NPY1R: variants seen among roughly 807,000 people sequenced by gnomAD.
The protein encoded by NPY1R is neuropeptide Y receptor type 1.
In NPY1R, 10 loss-of-function variants were observed where a neutral mutation model predicts 24.1. The ratio of observed to expected loss-of-function variants is 0.42; its 90% confidence interval spans 0.26 to 0.71. The LOEUF is 0.71. Ranked by LOEUF, NPY1R falls within the 30% of genes least tolerant of loss-of-function variation. NPY1R has a pLI of 0.28. For synonymous variants in NPY1R, 168 were observed against 165.9 expected, an observed-to-expected ratio of 1.01 and a Z score of -0.10; for missense variants, 350 against 458.0, an observed-to-expected ratio of 0.76 and a Z score of 2.15.
chr4:163,342,976 TCACAGA>T (rs780758111), intron 1 of NPY1R, among the ~76,000 whole-genome samples: 16 of 92,684 alleles, frequency 1.7e-4, no homozygotes, highest in African/African-American at 3.5e-4. Context: ...TCTCTCTCTC[TCACAGA>T]CACACACACA....
At chr4:163,342,650 G>A (rs1389320235) in intron 1 of NPY1R, among the ~76,000 whole-genome samples, 2 of 152,132 alleles carry the variant, frequency 1.3e-5, no homozygotes, top group African/African-American at 2.4e-5. Flanking sequence ...TGATGAAATA[G>A]CAATCTATAC....
At chr4:163,335,473 A>G (rs1010586535), upstream of NPY1R, among the ~76,000 whole-genome samples, 1 of 152,222 alleles carries the variant, frequency 6.6e-6, no homozygotes, top group Admixed American at 6.5e-5. Context: ...TGGAATTGAA[A>G]CACACTAATT....
chr4:163,329,187 T>C (rs2110792862), intron 1 of NPY1R, among the ~76,000 whole-genome samples: 1 of 152,360 alleles, frequency 6.6e-6, no homozygotes, highest in South Asian at 2.1e-4. Flanking sequence ...ATGGTTTTAC[T>C]GGAGATAATG....
chr4:163,325,793 T>C (rs940604461), intron 2 of NPY1R, 35 bp from the exon 3 acceptor site: 1 of 1,569,416 alleles, frequency 6.4e-7, no homozygotes, highest in East Asian at 2.2e-5. Context: ...GAAACACTCA[T>C]TTGATGAGGA....
intron 1 of NPY1R, among the ~76,000 whole-genome samples, chr4:163,343,613 A>G (rs1401903873): frequency 6.6e-6 from 1 of 152,118 alleles, no homozygotes; most frequent in East Asian, 1.9e-4. Flanking sequence ...AGAGTTCACT[A>G]CACAGGGTTG....
chr4:163,325,773 A>G lies in NPY1R; in HGVS notation c.700-15T>C, dbSNP rs977536573. The G allele has an allele frequency of 4.5e-6, 7 of 1,568,416 alleles. No homozygotes were observed. Among genetic ancestry groups the G allele is most frequent in the African/African-American group, 1.4e-5 (1 of 73,272 alleles). ...CGTATATATATCTATGGAAGAAAAA[A>G]GTTTAAATAGAAACACTCATTTGAT... On this transcript the variant is annotated splice_polypyrimidine_tract_variant and intron_variant, in intron 2 of 2. Coordinates refer to ENST00000296533, the MANE Select transcript of NPY1R (RefSeq NM_000909.6).
intron 1 of NPY1R, among the ~76,000 whole-genome samples, chr4:163,343,016 A>ACGCG (rs1445307095): frequency 1.5e-5 from 2 of 136,342 alleles, no homozygotes; most frequent in Admixed American, 1.4e-4. Flanking sequence ...ACACACACAC[A>ACGCG]CACGCGCGCG....
intron 1 of NPY1R, among the ~76,000 whole-genome samples, chr4:163,342,375 T>C (rs984116368): frequency 6.6e-6 from 1 of 152,070 alleles, no homozygotes. Flanking sequence ...AGATAGAAAT[T>C]TATGTGGCAA....
chr4:163,330,240 T>C (rs892665478), intron 1 of NPY1R, among the ~76,000 whole-genome samples: 1 of 152,248 alleles, frequency 6.6e-6, no homozygotes, highest in Non-Finnish European at 1.5e-5. Flanking sequence ...CATAGCTTTC[T>C]TACAGATGAG....
Position 163,326,424 on chromosome 4 carries a change from G to C in NPY1R, c.131C>G (p.Ala44Gly). ...AATGATCACAGCTCCATAAGCAAGA[G>C]CTAAGGTAAATATCATGGCCAAGGG... is the stretch of plus-strand genomic sequence containing the variant. ...HLPLAMIFTL[A>G]LAYGAVIILG... The change falls in exon 2 of 3, where the codon GCT (alanine) becomes GGT (glycine). Residue 44 changes from alanine to glycine, a missense_variant. Transcript: ENST00000296533. 6.2e-7 allele frequency: 1 copy of C among 1,614,022 alleles called. No homozygotes were observed. Among genetic ancestry groups the C allele is most frequent in the Non-Finnish European group, 8.5e-7 (1 of 1,179,904 alleles).
intron 1 of NPY1R, among the ~76,000 whole-genome samples, chr4:163,330,341 A>G (rs184320581): frequency 6.6e-6 from 1 of 152,370 alleles, no homozygotes; most frequent in Admixed American, 6.5e-5. Flanking sequence ...CTTACTAGGT[A>G]GAAGTTAATT....
At position 163,326,432 on chromosome 4, in the gene NPY1R, A is replaced by G; in HGVS notation, c.123T>C (p.Phe41=). Reference sequence around the variant, plus strand: ...CAGCTCCATAAGCAAGAGCTAAGGTAAATATCATGGCCAAGGGCAGATGAC... The same window carrying G: ...CAGCTCCATAAGCAAGAGCTAAGGTGAATATCATGGCCAAGGGCAGATGAC... ...DDCHLPLAMI[F]TLALAYGAVI... is the part of the protein sequence containing the mutation. The change falls in exon 2 of 3, where the codon TTT becomes TTC. Residue 41 remains phenylalanine (F), a synonymous_variant. Coordinates refer to ENST00000296533, the MANE Select transcript of NPY1R (RefSeq NM_000909.6). The G allele has an allele frequency of 3.7e-6, 6 of 1,614,054 alleles. No individual in the cohort carries two copies. The highest frequency in any genetic ancestry group is 5.1e-6 in the Non-Finnish European group (6 of 1,179,880).
Position 163,325,368 on chromosome 4 carries a change from A to G in NPY1R, c.1090T>C (p.Leu364=). 2.5e-6 allele frequency: 4 copies of G among 1,613,996 alleles called. No individual in the cohort carries two copies. The highest frequency in any genetic ancestry group is 3.4e-6 in the Non-Finnish European group (4 of 1,179,952). ...TMHTDVSKTS[L]KQASPVAFKK... is the part of the protein sequence containing the mutation. ...AATGCGACTGGGCTTGCTTGCTTCA[A>G]AGAAGTTTTGGAAACATCTGTGTGC... Residue 364 remains leucine (L), a synonymous_variant, in exon 3 of 3, where the codon TTG becomes CTG. Coordinates refer to ENST00000296533, the MANE Select transcript of NPY1R (RefSeq NM_000909.6).
rs189884361 is a variant in NPY1R at position 163,325,967 on chromosome 4, G to A, written c.588C>T (p.Tyr196=). ...CCGATGGAAATTGATCAAAGCACAC[G>A]TATTTGTCTTTGTACGCATCAAGTG... ...NVTLDAYKDK[Y]VCFDQFPSDS... The change falls in exon 2 of 3, where the codon TAC becomes TAT. Residue 196 remains tyrosine (Y), a synonymous_variant. Coordinates refer to ENST00000296533, the MANE Select transcript of NPY1R (RefSeq NM_000909.6). 2.4e-5 allele frequency: 39 copies of A among 1,613,822 alleles called. No homozygotes were observed. The South Asian group carries it at 3.6e-4, about 15-fold the overall frequency.
chr4:163,334,581 G>C (rs866190893), upstream of NPY1R, among the ~76,000 whole-genome samples: 1 of 152,158 alleles, frequency 6.6e-6, no homozygotes, highest in African/African-American at 2.4e-5. Flanking sequence ...CTCAACAGTG[G>C]CTGGGGGCGG....
rs977536573 is a variant in NPY1R, at chr4:163,325,773, A to C, written c.700-15T>G. The C allele has an allele frequency of 1.3e-6, 2 of 1,568,416 alleles. No homozygotes were observed. Among genetic ancestry groups the C allele is most frequent in the Admixed American group, 1.8e-5 (1 of 56,954 alleles). ...CGTATATATATCTATGGAAGAAAAA[A>C]GTTTAAATAGAAACACTCATTTGAT... is the stretch of plus-strand genomic sequence containing the variant. On this transcript the variant is annotated splice_polypyrimidine_tract_variant and intron_variant, in intron 2 of 2. Coordinates refer to ENST00000296533, the MANE Select transcript of NPY1R (RefSeq NM_000909.6).
At chr4:163,329,261 A>G (rs1443130704) in intron 1 of NPY1R, among the ~76,000 whole-genome samples, 1 of 152,184 alleles carries the variant, frequency 6.6e-6, no homozygotes, top group Non-Finnish European at 1.5e-5. Context: ...TTAGTAAAAG[A>G]TATAGTATGC....
upstream of NPY1R, among the ~76,000 whole-genome samples, chr4:163,337,314 T>G (rs558135970): frequency 6.6e-6 from 1 of 152,330 alleles, no homozygotes; most frequent in Admixed American, 6.5e-5. Context: ...CCTTAAATAT[T>G]ACCCAGAAAT....
intron 1 of NPY1R, among the ~76,000 whole-genome samples, chr4:163,343,497 C>A (rs1560864701): frequency 3.3e-5 from 5 of 151,868 alleles, no homozygotes. Context: ...CCACCCCCCA[C>A]CGTCCCCCAC....
Sources: gnomAD v4.1 joint callset for allele counts (sites outside exome capture counted in the v4.1 genomes callset) on GRCh38, gnomAD v4.1.1 for gene constraint, MANE v1.5 for transcripts, NCBI Gene and HGNC (gene_info 2026-07-23, HGNC 2026-07-21) for gene names.